The following RABGAP1 variants were observed in gnomAD, a reference collection of about 807,000 sequenced individuals.
RABGAP1 encodes the protein rab GTPase-activating protein 1.
A neutral mutation model predicts 137.6 loss-of-function variants in RABGAP1; 23 were observed. The ratio of observed to expected loss-of-function variants is 0.17; its 90% CI spans 0.12 to 0.24. The LOEUF is 0.24. RABGAP1 is among the 10% of genes least tolerant of loss of function. The probability of loss-of-function intolerance (pLI) is 1.00; values close to 1 mark genes in which losing one functional copy is unlikely to be tolerated. For missense variants in RABGAP1, 906 were observed against 1,275.8 expected, an observed-to-expected ratio of 0.71 and a Z score of 4.42; for synonymous variants, 451 against 450.7, an observed-to-expected ratio of 1.00 and a Z score of -0.01.
intron 1 of RABGAP1, among the ~76,000 whole-genome samples, chr9:122,952,665 G>GTT (rs1834316001): frequency 6.6e-6 from 1 of 152,118 alleles, no homozygotes; most frequent in South Asian, 2.1e-4. Flanking sequence ...GAGCCCGGGA[G>GTT]TTTGAGGCTG....
At chr9:122,956,467 G>GGT (rs1009349504) in intron 1 of RABGAP1, among the ~76,000 whole-genome samples, 2 of 152,078 alleles carry the variant, frequency 1.3e-5, no homozygotes, top group African/African-American at 4.8e-5. Context: ...TGGCTAACAC[G>GGT]GTGAAACCCC....
chr9:123,079,776 C>T (rs190952344), intron 19 of RABGAP1, among the ~76,000 whole-genome samples: 1 of 152,170 alleles, frequency 6.6e-6, no homozygotes, highest in East Asian at 1.9e-4. Context: ...CTCATCCAGT[C>T]TTCGGCTCAT....
At chr9:122,996,369 G>A (rs922356738) in intron 7 of RABGAP1, 170 bp from the exon 8 acceptor site, 3 of 1,083,114 alleles carry the variant, frequency 2.8e-6, no homozygotes, top group Non-Finnish European at 2.6e-6. Context: ...AAAGGCAAAC[G>A]GAATTAGCTG....
intron 10 of RABGAP1, among the ~76,000 whole-genome samples, chr9:123,008,733 C>T (rs1484527770): frequency 1.3e-5 from 2 of 151,908 alleles, no homozygotes; most frequent in African/African-American, 4.8e-5. Flanking sequence ...TATTCTAATT[C>T]AGTGTATTAA....
chr9:122,958,347 A>G (rs1331601839), intron 2 of RABGAP1, among the ~76,000 whole-genome samples: 1 of 151,816 alleles, frequency 6.6e-6, no homozygotes, highest in Non-Finnish European at 1.5e-5. Flanking sequence ...CTTTAATTCT[A>G]ATGGGGGAAA....
chr9:123,011,912 G>A (rs576537236), intron 11 of RABGAP1, among the ~76,000 whole-genome samples: 68 of 152,268 alleles, frequency 4.5e-4, no homozygotes, highest in Admixed American at 1.6e-3. Context: ...CCAAGGCTGC[G>A]CCATTTGCAC....
intron 13 of RABGAP1, among the ~76,000 whole-genome samples, chr9:123,043,900 C>CTTTTTTTTT (rs1186243080): frequency 7.7e-6 from 1 of 129,430 alleles, no homozygotes; most frequent in African/African-American, 2.9e-5. Context: ...GTATTATTTT[C>CTTTTTTTTT]TTTTTTTTTT....
chr9:122,932,543 T>A, the RABGAP1 span, among the ~76,000 whole-genome samples: 2 of 152,304 alleles, frequency 1.3e-5, no homozygotes, highest in African/African-American at 2.4e-5. Context: ...TTTTTCTTTT[T>A]TTTGAGATGG....
At chr9:122,950,439 A>C (rs1834184553) in intron 1 of RABGAP1, among the ~76,000 whole-genome samples, 2 of 133,082 alleles carry the variant, frequency 1.5e-5, no homozygotes, top group Admixed American at 9.0e-5. Context: ...CAGGATAGAG[A>C]ATCTAGAAAG....
intron 15 of RABGAP1, among the ~76,000 whole-genome samples, chr9:123,073,202 C>G (rs1354769477): frequency 4.6e-5 from 7 of 152,190 alleles, no homozygotes; most frequent in Non-Finnish European, 7.3e-5. Context: ...AGCTCAAATT[C>G]TGTCCTTTCT....
intron 13 of RABGAP1, among the ~76,000 whole-genome samples, chr9:123,047,548 G>T (rs1363747680): frequency 1.3e-5 from 2 of 152,006 alleles, no homozygotes; most frequent in Non-Finnish European, 2.9e-5. Flanking sequence ...AAAAGATCTG[G>T]TTTACTTATA....
intron 11 of RABGAP1, among the ~76,000 whole-genome samples, chr9:123,014,144 TG>T (rs2031037345): frequency 2.0e-5 from 3 of 152,252 alleles, no homozygotes; most frequent in Non-Finnish European, 4.4e-5. Flanking sequence ...AAAAACTCTC[TG>T]AGTGTCAAGC....
chr9:123,048,269 C>T (rs1268437652), intron 13 of RABGAP1, among the ~76,000 whole-genome samples: 2 of 152,138 alleles, frequency 1.3e-5, no homozygotes, highest in African/African-American at 4.8e-5. Flanking sequence ...ACTCAATAGA[C>T]ACATTTAAAT....
At chr9:122,976,428 TG>T (rs1427292176) in intron 2 of RABGAP1, among the ~76,000 whole-genome samples, 1 of 152,218 alleles carries the variant, frequency 6.6e-6, no homozygotes, top group East Asian at 1.9e-4. Flanking sequence ...CTCTTTGCAG[TG>T]TTCTTATTGT....
chr9:123,048,633 C>G (rs77076155), intron 13 of RABGAP1, among the ~76,000 whole-genome samples: 2 of 152,214 alleles, frequency 1.3e-5, no homozygotes, highest in South Asian at 4.1e-4. Context: ...AAGTTCATCA[C>G]AGTTATCAGA....
At chr9:122,984,829 ACAG>A (rs1836283000) in intron 3 of RABGAP1, 110 bp downstream of exon 3, 1 of 922,958 alleles carries the variant, frequency 1.1e-6, no homozygotes, top group African/African-American at 1.7e-5. Flanking sequence ...GTCTACAAAA[ACAG>A]GCAAAAACAT....
chr9:122,988,363 A>G (rs1464982973), intron 4 of RABGAP1, among the ~76,000 whole-genome samples: 3 of 152,170 alleles, frequency 2.0e-5, no homozygotes, highest in Admixed American at 6.6e-5. Context: ...GACCTTCCAT[A>G]GTTGTGCCTT....
chr9:123,101,670 A>G lies in RABGAP1; in HGVS notation c.2994A>G (p.Glu998=). 1 of 1,614,068 alleles carries G rather than the reference A, an allele frequency of 6.2e-7. No individual in the cohort carries two copies. Among genetic ancestry groups the G allele is most frequent in the South Asian group, 1.1e-5 (1 of 91,030 alleles). ...TKEVLDEDTD[E]EKETLKNQLR... ...AGGTTTTAGATGAGGACACGGATGA[A>G]GAGAAAGAGACGCTCAAGAACCAGC... is the stretch of plus-strand genomic sequence containing the variant. The change falls in exon 25 of 26, where the codon GAA becomes GAG. Residue 998 remains glutamate, a synonymous_variant. Transcript: ENST00000373647.
intron 13 of RABGAP1, among the ~76,000 whole-genome samples, chr9:123,050,515 G>A (rs1219307976): frequency 6.6e-6 from 1 of 152,224 alleles, no homozygotes; most frequent in Non-Finnish European, 1.5e-5. Flanking sequence ...AAAGGGCAGT[G>A]TTGCTAGTCA....
Sources: allele counts gnomAD v4.1 joint callset (sites outside exome capture counted in the v4.1 genomes callset), GRCh38; gene constraint gnomAD v4.1.1; transcripts MANE v1.5; gene names NCBI Gene and HGNC (gene_info 2026-07-23, HGNC 2026-07-21).